The following CDKL4 variants were observed in gnomAD, a reference collection of about 807,000 sequenced individuals.
The protein encoded by CDKL4 is cyclin dependent kinase like 4.
CDKL4 carries 44 observed loss-of-function variants against 42.0 expected under a neutral mutation model. That is an observed-to-expected ratio of 1.05 (90% CI 0.82 to 1.35). The LOEUF is 1.35. CDKL4 is among the 40% of genes most tolerant of loss of function. The pLI is 0.00. For synonymous variants in CDKL4, 120 were observed against 121.6 expected (o/e 0.99, Z 0.09); for missense variants, 393 against 369.9 (o/e 1.06, Z -0.51).
chr2:39,239,589 T>C (rs189175533), intron 1 of CDKL4, among the ~76,000 whole-genome samples: 1 of 152,362 alleles, frequency 6.6e-6, no homozygotes, highest in East Asian at 1.9e-4. Flanking sequence ...AAATGTCTAC[T>C]AAGCACATGA....
intron 7 of CDKL4, among the ~76,000 whole-genome samples, chr2:39,185,150 A>G (rs1366227744): frequency 4.4e-5 from 6 of 137,786 alleles, no homozygotes; most frequent in South Asian, 2.2e-4. Context: ...ATATATGTGT[A>G]TATATATACA....
In CDKL4 at chr2:39,215,564, T is replaced by A. The variant is rs1677867743; in HGVS notation, c.291-2092A>T. 2.0e-5 allele frequency among the ~76,000 whole-genome samples: 3 copies of A among 152,364 alleles called. No homozygotes were observed. The South Asian group carries it at 6.2e-4, about 32-fold the overall frequency. ...TATATTATGTAATACCCCAAACATA[T>A]CCATCACTCAGATTTAATATTTTAT... On this transcript the variant is annotated intron_variant, in intron 3 of 9. Coordinates refer to ENST00000451199, the Ensembl canonical transcript of CDKL4.
intron 3 of CDKL4, among the ~76,000 whole-genome samples, chr2:39,223,581 CTTTTTTTTTT>C (rs59461223): frequency 1.2e-5 from 1 of 83,488 alleles, no homozygotes; most frequent in Non-Finnish European, 2.4e-5. Flanking sequence ...ATTTCCTTCT[CTTTTTTTTTT>C]TTTTTGAAGA....
At chr2:39,223,560 A>G (rs57688570) in intron 3 of CDKL4, among the ~76,000 whole-genome samples, 5,549 of 139,534 alleles carry the variant, frequency 0.04, 393 homozygotes, top group African/African-American at 0.14. Flanking sequence ...GTTTTCTTAG[A>G]TGTACTGGTC....
intron 1 of CDKL4, among the ~76,000 whole-genome samples, chr2:39,234,085 TG>T (rs1223691139): frequency 6.6e-6 from 1 of 151,800 alleles, no homozygotes; most frequent in Non-Finnish European, 1.5e-5. Flanking sequence ...GGCTAATTTT[TG>T]TATTTTTTAG....
chr2:39,180,686 CTTT>C (rs1167370938), intron 8 of CDKL4, among the ~76,000 whole-genome samples: 6 of 121,066 alleles, frequency 5.0e-5, no homozygotes, highest in African/African-American at 6.8e-5. Flanking sequence ...GAGAGAAAGA[CTTT>C]TTTTTTTTTT....
intron 1 of CDKL4, among the ~76,000 whole-genome samples, chr2:39,238,640 G>A (rs1174414438): frequency 1.3e-5 from 2 of 151,954 alleles, no homozygotes; most frequent in Non-Finnish European, 2.9e-5. Flanking sequence ...ATAAAGTTAT[G>A]GTAAATCAAG....
At chr2:39,178,010 G>C (rs1675241264) in intron 9 of CDKL4, among the ~76,000 whole-genome samples, 1 of 152,196 alleles carries the variant, frequency 6.6e-6, no homozygotes, top group Non-Finnish European at 1.5e-5. Flanking sequence ...ACAGGAGAGT[G>C]TCCTTTTACA....
exon 3 of CDKL4, chr2:39,225,840 C>T: frequency 6.3e-7 from 1 of 1,597,800 alleles, no homozygotes; most frequent in South Asian, 1.1e-5. Context: ...ATTACTTACC[C>T]ATTTGGGTTT....
At chr2:39,236,601 T>C (rs2148405823) in intron 1 of CDKL4, among the ~76,000 whole-genome samples, 1 of 152,236 alleles carries the variant, frequency 6.6e-6, no homozygotes, top group South Asian at 2.1e-4. Flanking sequence ...TGGCTGACTC[T>C]TCATCAGAAA....
intron 2 of CDKL4, 63 bp downstream of exon 2, chr2:39,229,302 A>G: frequency 8.3e-7 from 1 of 1,205,164 alleles, no homozygotes; most frequent in Non-Finnish European, 1.1e-6. Context: ...AATTCTTTGC[A>G]ATTTTAACAT....
intron 1 of CDKL4, among the ~76,000 whole-genome samples, chr2:39,232,659 A>G (rs192328094): frequency 9.2e-5 from 14 of 152,290 alleles, no homozygotes; most frequent in Admixed American, 8.5e-4. Context: ...ATCTTCCACA[A>G]AGCAATACAA....
intron 9 of CDKL4, chr2:39,178,401 C>A: frequency 3.1e-6 from 2 of 638,554 alleles, no homozygotes; most frequent in South Asian, 2.6e-5. Context: ...TGGAAATTAC[C>A]AACTCAGTTT....
At chr2:39,189,115 T>C (rs1676017192) in intron 6 of CDKL4, among the ~76,000 whole-genome samples, 2 of 152,230 alleles carry the variant, frequency 1.3e-5, no homozygotes, top group South Asian at 2.1e-4. Flanking sequence ...TTTTTCATGC[T>C]GCAGAATTTT....
intron 1 of CDKL4, among the ~76,000 whole-genome samples, chr2:39,243,485 C>G (rs2148416627): frequency 6.6e-6 from 1 of 152,354 alleles, no homozygotes; most frequent in East Asian, 1.9e-4. Context: ...TATCACATTT[C>G]GTGTGTGCAC....
At chr2:39,210,614 G>A (rs931609306) in intron 4 of CDKL4, among the ~76,000 whole-genome samples, 1 of 152,182 alleles carries the variant, frequency 6.6e-6, no homozygotes, top group East Asian at 1.9e-4. Context: ...TTGCATTCAA[G>A]CTTATAACCA....
At chr2:39,233,520 AAGAC>A (rs771982913) in intron 1 of CDKL4, among the ~76,000 whole-genome samples, 2 of 152,214 alleles carry the variant, frequency 1.3e-5, no homozygotes, top group Non-Finnish European at 2.9e-5. Context: ...CATCACCACT[AAGAC>A]AGGGAAAAAG....
chr2:39,221,565 C>G (rs944234185), intron 3 of CDKL4, among the ~76,000 whole-genome samples: 5 of 152,130 alleles, frequency 3.3e-5, no homozygotes, highest in Admixed American at 3.3e-4. Context: ...AAAAGAGCAG[C>G]ATATTCTAGA....
At chr2:39,220,255 G>A (rs1009356344) in intron 3 of CDKL4, among the ~76,000 whole-genome samples, 3 of 152,110 alleles carry the variant, frequency 2.0e-5, no homozygotes, top group African/African-American at 7.2e-5. Flanking sequence ...CAATAAGGCT[G>A]GTTCTGCCTT....
Sources: gnomAD v4.1 joint callset for allele counts (sites outside exome capture counted in the v4.1 genomes callset) on GRCh38, gnomAD v4.1.1 for gene constraint, MANE v1.5 for transcripts, NCBI Gene and HGNC (gene_info 2026-07-23, HGNC 2026-07-21) for gene names.